ADGRB3: variants seen among roughly 807,000 people sequenced by gnomAD.
ADGRB3 encodes the protein adhesion G protein-coupled receptor B3.
A neutral mutation model predicts 193.4 loss-of-function variants in ADGRB3; 37 were observed. The observed-to-expected ratio is 0.19, with a 90% CI of 0.15 to 0.25. ADGRB3 has a LOEUF of 0.25. ADGRB3 is among the 10% of genes least tolerant of loss of function. ADGRB3 has a pLI of 1.00. For synonymous variants in ADGRB3, 690 were observed against 644.2 expected (o/e 1.07, Z -1.08); for missense variants, 1,637 against 1,852.9 (o/e 0.88, Z 2.14).
intron 4 of ADGRB3, 25 bp downstream of exon 4, chr6:68,930,694 A>G (rs775705525): frequency 3.4e-6 from 5 of 1,475,444 alleles, no homozygotes; most frequent in South Asian, 2.4e-5. Context: ...ACATTTTTCT[A>G]TTTATTGTTG....
At chr6:68,862,875 T>C (rs1765195376) in intron 3 of ADGRB3, among the ~76,000 whole-genome samples, 1 of 152,128 alleles carries the variant, frequency 6.6e-6, no homozygotes, top group Non-Finnish European at 1.5e-5. Flanking sequence ...CCACCACAAA[T>C]GATCAAGATT....
At chr6:68,733,793 A>T (rs1765820245) in intron 3 of ADGRB3, among the ~76,000 whole-genome samples, 1 of 151,954 alleles carries the variant, frequency 6.6e-6, no homozygotes, top group Non-Finnish European at 1.5e-5. Flanking sequence ...ACAATAACTT[A>T]AAGAACGTAA....
chr6:69,164,879 G>A (rs1775091937), intron 17 of ADGRB3, among the ~76,000 whole-genome samples: 1 of 151,998 alleles, frequency 6.6e-6, no homozygotes, highest in Non-Finnish European at 1.5e-5. Context: ...ATTCTTGGCA[G>A]CTAGCACAGT....
In ADGRB3 at chr6:69,007,724, CA is replaced by C. The variant is rs1562119651; in HGVS notation, c.1930-6313del. 8.0e-4 allele frequency among the ~76,000 whole-genome samples: 120 copies of C among 150,690 alleles called. 3 individuals are homozygous for C. The highest frequency in any genetic ancestry group is 6.1e-3 in the Admixed American group (92 of 15,130). On this transcript the variant is annotated intron_variant, in intron 11 of 31. Coordinates refer to ENST00000370598, the MANE Select transcript of ADGRB3 (RefSeq NM_001704.3). ...ACACACACACACACACACACACACA[CA>C]CACCCTGCTGACCTATTCAGTCTAT... is the stretch of plus-strand genomic sequence containing the variant.
At chr6:69,331,975 T>C (rs1175306403) in intron 23 of ADGRB3, 12 of 985,196 alleles carry the variant, frequency 1.2e-5, no homozygotes, top group Non-Finnish European at 1.4e-5. Flanking sequence ...TGCATCTTCC[T>C]TACGTTAGCA....
At chr6:69,297,368 T>TCTCTG (rs1767846054) in intron 20 of ADGRB3, among the ~76,000 whole-genome samples, 1 of 97,648 alleles carries the variant, frequency 1.0e-5, no homozygotes. Context: ...CTCTCTCTCT[T>TCTCTG]TCTCTCTCTC....
At chr6:68,884,793 T>G (rs774074486) in intron 3 of ADGRB3, among the ~76,000 whole-genome samples, 4 of 152,144 alleles carry the variant, frequency 2.6e-5, no homozygotes, top group Admixed American at 6.5e-5. Context: ...TTTGTAAAAA[T>G]TTGGCCTTTT....
At chr6:68,880,888 A>G (rs1562069069) in intron 3 of ADGRB3, among the ~76,000 whole-genome samples, 1 of 152,242 alleles carries the variant, frequency 6.6e-6, no homozygotes, top group African/African-American at 2.4e-5. Flanking sequence ...ACTTTAAAAA[A>G]GAGGCCAAGG....
chr6:69,329,749 G>T (rs1295587858), intron 22 of ADGRB3, among the ~76,000 whole-genome samples: 1 of 152,120 alleles, frequency 6.6e-6, no homozygotes, highest in African/African-American at 2.4e-5. Context: ...CACTTTCCTG[G>T]ATTCTGCATG....
At chr6:68,718,284 C>T (rs1006562379) in intron 3 of ADGRB3, among the ~76,000 whole-genome samples, 7 of 151,670 alleles carry the variant, frequency 4.6e-5, no homozygotes, top group Non-Finnish European at 1.0e-4. Flanking sequence ...GACAGATCTA[C>T]TGAATTAGAA....
intron 20 of ADGRB3, among the ~76,000 whole-genome samples, chr6:69,308,745 T>C (rs564180498): frequency 4.4e-4 from 67 of 151,682 alleles, no homozygotes; most frequent in Admixed American, 7.2e-4. Flanking sequence ...TAACTGATTT[T>C]TTTTTCTGCC....
At chr6:68,868,725 C>A (rs533081566) in intron 3 of ADGRB3, among the ~76,000 whole-genome samples, 2 of 152,126 alleles carry the variant, frequency 1.3e-5, no homozygotes, top group Non-Finnish European at 2.9e-5. Context: ...CTATTATTAT[C>A]TTTCTCTGAG....
intron 17 of ADGRB3, among the ~76,000 whole-genome samples, chr6:69,108,804 C>T (rs1773289000): frequency 6.6e-6 from 1 of 152,054 alleles, no homozygotes; most frequent in Admixed American, 6.6e-5. Flanking sequence ...TCAGAAAAGC[C>T]AGTGTTATGG....
At chr6:69,331,650 C>CT (rs1216751724) in intron 23 of ADGRB3, 2 of 985,264 alleles carry the variant, frequency 2.0e-6, no homozygotes, top group East Asian at 1.1e-4. Context: ...TATTAGACAC[C>CT]TTTTTTGTCT....
At chr6:68,843,051 CA>C (rs55855427) in intron 3 of ADGRB3, among the ~76,000 whole-genome samples, 20 of 129,948 alleles carry the variant, frequency 1.5e-4, no homozygotes, top group East Asian at 5.7e-4. Context: ...TATACAACAA[CA>C]AAAAAAAAAA....
At chr6:69,169,647 G>C (rs906228754) in intron 17 of ADGRB3, among the ~76,000 whole-genome samples, 5 of 151,512 alleles carry the variant, frequency 3.3e-5, no homozygotes, top group Non-Finnish European at 5.9e-5. Flanking sequence ...CTTACAAAAA[G>C]TACAAATTGA....
intron 20 of ADGRB3, among the ~76,000 whole-genome samples, chr6:69,297,715 G>A (rs1356795144): frequency 1.3e-5 from 2 of 151,804 alleles, no homozygotes; most frequent in Non-Finnish European, 2.9e-5. Flanking sequence ...TGGAGAAGTA[G>A]CCAAGCAAAT....
At chr6:68,676,312 A>G (rs1018293117) in intron 3 of ADGRB3, among the ~76,000 whole-genome samples, 1 of 149,900 alleles carries the variant, frequency 6.7e-6, no homozygotes, top group Non-Finnish European at 1.5e-5. Context: ...AATGGCTTGA[A>G]CCGGGGAGTG....
intron 13 of ADGRB3, among the ~76,000 whole-genome samples, chr6:69,035,622 T>C (rs141823596): frequency 6.6e-6 from 1 of 152,242 alleles, no homozygotes; most frequent in East Asian, 1.9e-4. Flanking sequence ...GTAACATGAT[T>C]CAATTTATAC....
Sources: allele counts gnomAD v4.1 joint callset (sites outside exome capture counted in the v4.1 genomes callset), GRCh38; gene constraint gnomAD v4.1.1; transcripts MANE v1.5; gene names NCBI Gene and HGNC (gene_info 2026-07-23, HGNC 2026-07-21).